Variants in BMPR1B observed in about 807,000 individuals in gnomAD.
BMPR1B encodes bone morphogenetic protein receptor type-1B.
BMPR1B carries 12 observed loss-of-function variants against 59.1 expected under a neutral mutation model. The observed-to-expected ratio is 0.20, with a 90% CI of 0.13 to 0.33. The LOEUF is 0.33. Among genes scored for constraint, BMPR1B ranks in the 10% least tolerant of loss-of-function variants. The pLI, the probability that BMPR1B is intolerant of heterozygous loss-of-function variation, is 1.00. For missense variants in BMPR1B, 550 were observed against 610.9 expected, an observed-to-expected ratio of 0.90 and a Z score of 1.05; for synonymous variants, 237 against 207.3, an observed-to-expected ratio of 1.14 and a Z score of -1.23.
intron 3 of BMPR1B, among the ~76,000 whole-genome samples, chr4:95,008,648 CAAATT>C (rs913705327): frequency 4.0e-5 from 6 of 151,790 alleles, no homozygotes; most frequent in African/African-American, 1.5e-4. Flanking sequence ...AATAAAGAAA[CAAATT>C]AATTAATTCA....
intron 3 of BMPR1B, among the ~76,000 whole-genome samples, chr4:95,084,981 A>G (rs1729462457): frequency 1.3e-5 from 2 of 152,068 alleles, no homozygotes; most frequent in Non-Finnish European, 1.5e-5. Context: ...GACTTGGCCT[A>G]TTGAAAGAGC....
At chr4:94,814,086 G>A (rs757283601) in intron 1 of BMPR1B, among the ~76,000 whole-genome samples, 1 of 152,136 alleles carries the variant, frequency 6.6e-6, no homozygotes, top group Non-Finnish European at 1.5e-5. Flanking sequence ...GAGAAAAATA[G>A]GATTAATTTA....
At chr4:94,981,634 AC>A (rs1160458627) in intron 2 of BMPR1B, among the ~76,000 whole-genome samples, 1 of 152,174 alleles carries the variant, frequency 6.6e-6, no homozygotes, top group Admixed American at 6.6e-5. Context: ...AAAAATAAGA[AC>A]CTAAATTGAC....
chr4:94,954,306 A>C (rs997884287), intron 2 of BMPR1B, among the ~76,000 whole-genome samples: 1 of 152,186 alleles, frequency 6.6e-6, no homozygotes, highest in Non-Finnish European at 1.5e-5. Context: ...TGTTCTCAAC[A>C]TTTATTTTCT....
At chr4:95,074,074 G>A (rs1728524209) in intron 3 of BMPR1B, among the ~76,000 whole-genome samples, 1 of 151,262 alleles carries the variant, frequency 6.6e-6, no homozygotes, top group Admixed American at 6.6e-5. Context: ...CTTTAATTTT[G>A]CATTGACTTT....
At chr4:94,898,578 C>T (rs900786281) in intron 2 of BMPR1B, among the ~76,000 whole-genome samples, 3 of 152,064 alleles carry the variant, frequency 2.0e-5, no homozygotes, top group Non-Finnish European at 4.4e-5. Context: ...TTTGCTTCCT[C>T]TTCCACCATG....
chr4:94,949,233 C>T (rs188621118), intron 2 of BMPR1B, among the ~76,000 whole-genome samples: 43 of 151,828 alleles, frequency 2.8e-4, no homozygotes, highest in South Asian at 8.4e-4. Context: ...GTTTGGTTTT[C>T]TGTCCCTGTG....
At chr4:94,832,292 G>A (rs1180680478) in intron 1 of BMPR1B, among the ~76,000 whole-genome samples, 1 of 151,702 alleles carries the variant, frequency 6.6e-6, no homozygotes, top group Non-Finnish European at 1.5e-5. Context: ...TACACTCTAT[G>A]GTGTTCATGT....
intron 2 of BMPR1B, among the ~76,000 whole-genome samples, chr4:94,951,832 G>A (rs1729950608): frequency 6.6e-6 from 1 of 152,156 alleles, no homozygotes; most frequent in South Asian, 2.1e-4. Context: ...AGAAGGAATG[G>A]TACCAGCTCT....
At chr4:94,816,240 A>G (rs1452709984) in intron 1 of BMPR1B, among the ~76,000 whole-genome samples, 1 of 152,154 alleles carries the variant, frequency 6.6e-6, no homozygotes, top group African/African-American at 2.4e-5. Context: ...TCTGCCTCCC[A>G]GGTTCAAGCG....
chr4:94,926,004 C>T (rs1329023718), intron 2 of BMPR1B, among the ~76,000 whole-genome samples: 1 of 131,632 alleles, frequency 7.6e-6, no homozygotes, highest in Admixed American at 7.6e-5. Flanking sequence ...CCTCCTCTTT[C>T]CTCCCCTTCC....
chr4:94,930,781 C>CT (rs1729068412), intron 2 of BMPR1B, among the ~76,000 whole-genome samples: 1 of 152,132 alleles, frequency 6.6e-6, no homozygotes, highest in Non-Finnish European at 1.5e-5. Flanking sequence ...TCTCAAGTGA[C>CT]TATCTCTTGA....
intron 11 of BMPR1B, among the ~76,000 whole-genome samples, chr4:95,149,912 A>G (rs1734918903): frequency 6.6e-6 from 1 of 152,190 alleles, no homozygotes; most frequent in South Asian, 2.1e-4. Flanking sequence ...CTGTGGTTGT[A>G]TGGTTTCAAT....
At chr4:94,845,136 T>A (rs1725267332) in intron 1 of BMPR1B, among the ~76,000 whole-genome samples, 1 of 151,992 alleles carries the variant, frequency 6.6e-6, no homozygotes, top group Non-Finnish European at 1.5e-5. Context: ...AATAAATATA[T>A]CATAGATGAA....
At chr4:94,885,937 G>C (rs946867570) in intron 2 of BMPR1B, among the ~76,000 whole-genome samples, 1 of 152,116 alleles carries the variant, frequency 6.6e-6, no homozygotes, top group Non-Finnish European at 1.5e-5. Flanking sequence ...AGGAAGGTTA[G>C]TAAATGTGGA....
chr4:94,936,011 T>C (rs984227521), intron 2 of BMPR1B, among the ~76,000 whole-genome samples: 1 of 152,144 alleles, frequency 6.6e-6, no homozygotes, highest in Non-Finnish European at 1.5e-5. Context: ...TTGTATTTTA[T>C]AGGTTTCACA....
At chr4:95,049,264 C>T (rs1726258174) in intron 3 of BMPR1B, among the ~76,000 whole-genome samples, 1 of 151,888 alleles carries the variant, frequency 6.6e-6, no homozygotes, top group African/African-American at 2.4e-5. Flanking sequence ...CAGGTGTGAA[C>T]CACCATACCC....
In BMPR1B at chr4:95,104,442, A is replaced by C; in HGVS notation, c.18A>C (p.Ala6=). Residue 6 remains alanine, a synonymous_variant, in exon 4 of 13, where the codon GCA becomes GCC. Transcript: ENST00000515059. MLLRS[A]GKLNVGTKKE... ...TTGATAACATGCTTTTGCGAAGTGC[A>C]GGAAAATTAAATGTGGGCACCAAGA... The C allele has an allele frequency of 6.2e-7, 1 of 1,613,354 alleles. No homozygotes were observed. Among genetic ancestry groups the C allele is most frequent in the Non-Finnish European group, 8.5e-7 (1 of 1,179,558 alleles).
intron 3 of BMPR1B, among the ~76,000 whole-genome samples, chr4:95,100,798 T>C (rs1730762974): frequency 6.6e-6 from 1 of 152,220 alleles, no homozygotes; most frequent in Admixed American, 6.5e-5. Context: ...TATGCAATTA[T>C]ATTTTTAAAG....
Sources: allele counts gnomAD v4.1 joint callset (sites outside exome capture counted in the v4.1 genomes callset), GRCh38; gene constraint gnomAD v4.1.1; transcripts MANE v1.5; gene names NCBI Gene and HGNC (gene_info 2026-07-23, HGNC 2026-07-21).